Variants in NKAIN2 observed in about 807,000 individuals in gnomAD.
The protein encoded by NKAIN2 is sodium/potassium transporting ATPase interacting 2.
NKAIN2 carries 14 observed loss-of-function variants against 32.6 expected under a neutral mutation model. The ratio of observed to expected loss-of-function variants is 0.43; its 90% CI spans 0.28 to 0.67. The LOEUF (loss-of-function observed/expected upper bound fraction) is 0.67, where lower values mean the gene tolerates loss of function less well. Among genes scored for constraint, NKAIN2 ranks in the 30% least tolerant of loss-of-function variants. NKAIN2 has a pLI of 0.17. For synonymous variants in NKAIN2, 80 were observed against 87.2 expected, an observed-to-expected ratio of 0.92 and a Z score of 0.46; for missense variants, 198 against 258.3, an observed-to-expected ratio of 0.77 and a Z score of 1.60.
intron 4 of NKAIN2, among the ~76,000 whole-genome samples, chr6:124,699,811 T>C (rs1031609678): frequency 6.6e-6 from 1 of 152,152 alleles, no homozygotes; most frequent in East Asian, 1.9e-4. Context: ...CAGGTATTTC[T>C]TTATAGCAAT....
chr6:124,420,206 C>T (rs1774685056), intron 3 of NKAIN2, among the ~76,000 whole-genome samples: 1 of 152,190 alleles, frequency 6.6e-6, no homozygotes, highest in Non-Finnish European at 1.5e-5. Context: ...GGCATTAATG[C>T]ATTATGAAGG....
At chr6:124,717,698 A>G (rs1215680889) in intron 4 of NKAIN2, among the ~76,000 whole-genome samples, 2 of 152,180 alleles carry the variant, frequency 1.3e-5, no homozygotes, top group Non-Finnish European at 1.5e-5. Context: ...ACACTAGTTC[A>G]GCCATTGTAT....
chr6:124,549,176 C>T (rs1317999025), intron 3 of NKAIN2, among the ~76,000 whole-genome samples: 2 of 152,012 alleles, frequency 1.3e-5, no homozygotes, highest in Non-Finnish European at 2.9e-5. Flanking sequence ...GCCAGCCTGA[C>T]CAACATAGTA....
rs148926739 is a variant in NKAIN2, at chr6:124,804,522, C to A, written c.535+13123C>A. ...AGATCTGGGGGAGGAGCCAAGATGG[C>A]CGAACAGGAACAGCTCCGGTCTACA... On this transcript the variant is annotated intron_variant, in intron 5 of 6. Transcript: ENST00000368417. 1,484 of 672,380 alleles carry A rather than the reference C, an allele frequency of 2.2e-3. 2 individuals carry two copies. Among genetic ancestry groups the A allele is most frequent in the Admixed American group, 2.8e-3 (45 of 15,906 alleles). The allele number at this position is 672,380 out of a possible 1,614,324, so 41.7% of individuals were successfully genotyped here. A position where few individuals can be genotyped will look rare whatever the true frequency, so the allele number is the denominator to read the frequency against.
intron 1 of NKAIN2, among the ~76,000 whole-genome samples, chr6:124,257,780 C>CTT (rs374874073): frequency 0.027 from 3,736 of 136,182 alleles, 192 homozygotes; most frequent in African/African-American, 0.097. Context: ...TTTTTCTTTT[C>CTT]TTTTTTTTTT....
intron 1 of NKAIN2, among the ~76,000 whole-genome samples, chr6:123,919,785 T>TTCTG (rs1235901831): frequency 1.3e-5 from 2 of 152,104 alleles, no homozygotes; most frequent in African/African-American, 4.8e-5. Context: ...CAGGATGCTG[T>TTCTG]ACCATTCATT....
At chr6:124,462,878 T>A (rs1446408767) in intron 3 of NKAIN2, among the ~76,000 whole-genome samples, 1 of 152,042 alleles carries the variant, frequency 6.6e-6, no homozygotes, top group African/African-American at 2.4e-5. Flanking sequence ...ATGATTGAAA[T>A]CTGCCTAATA....
chr6:124,397,383 C>T (rs1333356045), intron 3 of NKAIN2, among the ~76,000 whole-genome samples: 1 of 152,010 alleles, frequency 6.6e-6, no homozygotes, highest in Non-Finnish European at 1.5e-5. Context: ...ATGATGACGT[C>T]TAAGAACAAC....
At chr6:124,319,624 T>C (rs1797090971) in intron 2 of NKAIN2, among the ~76,000 whole-genome samples, 1 of 152,138 alleles carries the variant, frequency 6.6e-6, no homozygotes, top group African/African-American at 2.4e-5. Context: ...TTTTATTTGC[T>C]TTTCATGACC....
chr6:124,019,388 C>G (rs1397196), intron 1 of NKAIN2, among the ~76,000 whole-genome samples: 34,235 of 138,936 alleles, frequency 0.25, 4,834 homozygotes, highest in African/African-American at 0.41. Flanking sequence ...TTTCTGCATT[C>G]CTCAACATAG....
At chr6:124,651,232 C>T (rs1367735276) in intron 3 of NKAIN2, among the ~76,000 whole-genome samples, 1 of 152,180 alleles carries the variant, frequency 6.6e-6, no homozygotes, top group Non-Finnish European at 1.5e-5. Context: ...CTTTGCTGGG[C>T]TCAGCCTGTA....
At chr6:124,805,062 G>A (rs868448442) in intron 5 of NKAIN2, among the ~76,000 whole-genome samples, 2 of 152,338 alleles carry the variant, frequency 1.3e-5, no homozygotes, top group East Asian at 1.9e-4. Flanking sequence ...ACCTCTGGGG[G>A]CAGGGCACAG....
intron 1 of NKAIN2, among the ~76,000 whole-genome samples, chr6:124,103,537 G>A (rs993930264): frequency 3.9e-5 from 6 of 152,114 alleles, no homozygotes; most frequent in African/African-American, 1.4e-4. Flanking sequence ...GGTAAAGAAT[G>A]TCTGACCTTG....
At position 124,165,601 on chromosome 6, in the gene NKAIN2, G is replaced by C. The variant is rs577844910; in HGVS notation, c.55-117404G>C. Among the ~76,000 whole-genome samples the C allele has an allele frequency of 6.0e-5, 9 of 150,966 alleles. No homozygotes were observed. The South Asian group carries it at 1.9e-3, about 32-fold the overall frequency. On this transcript the variant is annotated intron_variant, in intron 1 of 6. Coordinates refer to ENST00000368417, the MANE Select transcript of NKAIN2 (RefSeq NM_001040214.3). ...TACATATATATACATGTGCCATGCT[G>C]GTGTGCTGCACCCATTAACTCGTCA...
At chr6:123,872,440 C>T (rs1467927471) in intron 1 of NKAIN2, among the ~76,000 whole-genome samples, 1 of 152,166 alleles carries the variant, frequency 6.6e-6, no homozygotes, top group Non-Finnish European at 1.5e-5. Context: ...CCCAGGCTCC[C>T]AGGGGTCTGG....
intron 1 of NKAIN2, among the ~76,000 whole-genome samples, chr6:124,156,975 C>T (rs1788016493): frequency 6.6e-6 from 1 of 151,380 alleles, no homozygotes; most frequent in Non-Finnish European, 1.5e-5. Flanking sequence ...TGGTGGTGCA[C>T]ATCTGTAGTT....
At chr6:123,924,579 T>G (rs1018207367) in intron 1 of NKAIN2, among the ~76,000 whole-genome samples, 2 of 152,116 alleles carry the variant, frequency 1.3e-5, no homozygotes, top group African/African-American at 4.8e-5. Flanking sequence ...GGACTTATTT[T>G]TTACTATAAT....
chr6:124,716,445 A>G (rs1192863190), intron 4 of NKAIN2, among the ~76,000 whole-genome samples: 1 of 152,208 alleles, frequency 6.6e-6, no homozygotes, highest in African/African-American at 2.4e-5. Context: ...TTGAGATCAT[A>G]GAGTGATGAG....
chr6:124,043,419 T>C (rs73770319), intron 1 of NKAIN2, among the ~76,000 whole-genome samples: 2,232 of 152,172 alleles, frequency 0.015, 50 homozygotes, highest in African/African-American at 0.051. Flanking sequence ...CGTTCTCAGA[T>C]TGTCCACCAT....
Sources: gnomAD v4.1 joint callset for allele counts (sites outside exome capture counted in the v4.1 genomes callset) on GRCh38, gnomAD v4.1.1 for gene constraint, MANE v1.5 for transcripts, NCBI Gene and HGNC (gene_info 2026-07-23, HGNC 2026-07-21) for gene names.